BCL7B: variants seen among roughly 807,000 people sequenced by gnomAD.
The protein encoded by BCL7B is B-cell CLL/lymphoma 7 protein family member B.
A neutral mutation model predicts 26.5 loss-of-function variants in BCL7B; 11 were observed. That is an observed-to-expected ratio of 0.42 (90% CI 0.26 to 0.69). BCL7B has a LOEUF of 0.69. Ranked by LOEUF, BCL7B falls within the 30% of genes least tolerant of loss-of-function variation. The pLI, the probability that BCL7B is intolerant of heterozygous loss-of-function variation, is 0.28. For synonymous variants in BCL7B, 111 were observed against 107.9 expected (o/e 1.03, Z -0.18); for missense variants, 215 against 264.4 (o/e 0.81, Z 1.30).
Position 73,541,269 on chromosome 7 carries a change from G to A in BCL7B, c.266-1217C>T, listed in dbSNP as rs187363075. On this transcript the variant is annotated intron_variant, in intron 3 of 5. Coordinates refer to ENST00000223368, the MANE Select transcript of BCL7B (RefSeq NM_001707.4). ...CCCCTCCTGCTCTGGTATCATTTGTGCTCATTCCTTCCTCTCCTACTGCTT... is the reference window on the plus strand; with the variant it reads ...CCCCTCCTGCTCTGGTATCATTTGTACTCATTCCTTCCTCTCCTACTGCTT... 4.9e-3 allele frequency among the ~76,000 whole-genome samples: 745 copies of A among 152,056 alleles called. 6 individuals are homozygous for A. The highest frequency in any genetic ancestry group is 8.6e-3 in the Non-Finnish European group (582 of 68,000).
intron 2 of BCL7B, among the ~76,000 whole-genome samples, chr7:73,550,032 T>C (rs1792098815): frequency 6.6e-6 from 1 of 152,220 alleles, no homozygotes. Flanking sequence ...TAGCTTTATA[T>C]TTATTCATAC....
intron 3 of BCL7B, chr7:73,542,819 C>T: frequency 2.4e-6 from 1 of 425,390 alleles, no homozygotes; most frequent in Non-Finnish European, 4.7e-6. Context: ...TGCAGTGGCT[C>T]ATGCTTGTAC....
intron 2 of BCL7B, among the ~76,000 whole-genome samples, chr7:73,550,116 A>C (rs1792101610): frequency 6.6e-6 from 1 of 152,238 alleles, no homozygotes; most frequent in Non-Finnish European, 1.5e-5. Context: ...ATTAGAAAAA[A>C]TAAAGTTGGA....
intron 1 of BCL7B, chr7:73,557,086 G>T: frequency 1.0e-6 from 1 of 990,232 alleles, no homozygotes; most frequent in South Asian, 4.7e-5. Context: ...CTGGCGGGCT[G>T]ACACCACTCC....
At chr7:73,555,052 A>T (rs1792311915) in intron 1 of BCL7B, among the ~76,000 whole-genome samples, 1 of 152,120 alleles carries the variant, frequency 6.6e-6, no homozygotes, top group East Asian at 1.9e-4. Context: ...TCAATTCAAG[A>T]TTAGTCACTT....
intron 1 of BCL7B, chr7:73,557,168 C>G: frequency 9.8e-7 from 1 of 1,017,154 alleles, no homozygotes; most frequent in Non-Finnish European, 1.2e-6. Context: ...GAGGGGAGGG[C>G]GGGCCCCGGG....
At chr7:73,557,169 G>A (rs1363827500) in intron 1 of BCL7B, 2 of 1,018,198 alleles carry the variant, frequency 2.0e-6, no homozygotes, top group East Asian at 8.9e-5. Context: ...AGGGGAGGGC[G>A]GGCCCCGGGC....
intron 1 of BCL7B, among the ~76,000 whole-genome samples, chr7:73,555,102 G>T (rs932772760): frequency 6.6e-5 from 10 of 151,810 alleles, no homozygotes; most frequent in Admixed American, 5.9e-4. Context: ...CATTTTTGTA[G>T]GTTAATTAGT....
chr7:73,555,315 T>A (rs547107258), intron 1 of BCL7B, among the ~76,000 whole-genome samples: 3 of 150,358 alleles, frequency 2.0e-5, no homozygotes, highest in African/African-American at 7.4e-5. Flanking sequence ...TGAGGCAGAA[T>A]TGCTTGAACC....
chr7:73,540,781 G>T (rs1791732254), intron 3 of BCL7B, among the ~76,000 whole-genome samples: 1 of 130,310 alleles, frequency 7.7e-6, no homozygotes, highest in Non-Finnish European at 1.5e-5. Flanking sequence ...AGTGAGCCGA[G>T]ATCGCGCCAT....
At chr7:73,544,773 C>CAAG (rs1791895184) in intron 2 of BCL7B, among the ~76,000 whole-genome samples, 3 of 152,010 alleles carry the variant, frequency 2.0e-5, no homozygotes. Context: ...CAAGAAAGCC[C>CAAG]AAGGGCCAGG....
At position 73,540,829 on chromosome 7, in the gene BCL7B, CAAAAAAAAAA is replaced by C. The variant is rs56111929; in HGVS notation, c.266-787_266-778del. On this transcript the variant is annotated intron_variant, in intron 3 of 5. Coordinates refer to ENST00000223368, the MANE Select transcript of BCL7B (RefSeq NM_001707.4). ...TGAGCAACAGAGCGAGACTCTGTCT[CAAAAAAAAAA>C]AAAAAAAAAAAAAAAAGAGTTACCA... Among the ~76,000 whole-genome samples, 45 of 50,932 alleles carry C rather than the reference CAAAAAAAAAA, an allele frequency of 8.8e-4. No homozygotes were observed. The South Asian group carries it at 0.01, about 11-fold the overall frequency. 33.4% of individuals were successfully genotyped at this position (50,932 alleles called of 152,430 possible).
intron 2 of BCL7B, among the ~76,000 whole-genome samples, chr7:73,548,083 A>C (rs1264326886): frequency 2.0e-5 from 3 of 151,872 alleles, no homozygotes. Context: ...ACGTCACTGC[A>C]CTCCAGCCTC....
chr7:73,545,660 C>T (rs1272611910), intron 2 of BCL7B, among the ~76,000 whole-genome samples: 1 of 152,178 alleles, frequency 6.6e-6, no homozygotes, highest in African/African-American at 2.4e-5. Context: ...TCCAGAACCA[C>T]GCCCCATCAA....
intron 2 of BCL7B, among the ~76,000 whole-genome samples, chr7:73,551,696 A>G (rs935928668): frequency 6.6e-6 from 1 of 152,194 alleles, no homozygotes; most frequent in South Asian, 2.1e-4. Flanking sequence ...GGGTTAAGGG[A>G]AAGGAATAAA....
chr7:73,548,328 T>C (rs1792031918), intron 2 of BCL7B, among the ~76,000 whole-genome samples: 1 of 152,008 alleles, frequency 6.6e-6, no homozygotes. Flanking sequence ...CTCTGGAGGC[T>C]GAGGCAGGAG....
intron 5 of BCL7B, among the ~76,000 whole-genome samples, chr7:73,537,649 A>C (rs1301139782): frequency 1.3e-5 from 2 of 152,138 alleles, no homozygotes; most frequent in African/African-American, 4.8e-5. Context: ...GCACATTGGG[A>C]GGCTGAGATG....
intron 1 of BCL7B, among the ~76,000 whole-genome samples, chr7:73,554,655 G>A (rs530841021): frequency 7.2e-5 from 11 of 151,918 alleles, no homozygotes; most frequent in South Asian, 2.1e-4. Context: ...AAAATTAGCC[G>A]GGCATGGTGG....
intron 2 of BCL7B, 75 bp downstream of exon 2, chr7:73,552,092 C>CAA (rs781881434): frequency 5.8e-3 from 5,831 of 1,010,346 alleles, no homozygotes; most frequent in East Asian, 6.8e-3. Context: ...GACTCCGTCC[C>CAA]AAAAAAAAAA....
Sources: allele counts gnomAD v4.1 joint callset (sites outside exome capture counted in the v4.1 genomes callset), GRCh38; gene constraint gnomAD v4.1.1; transcripts MANE v1.5; gene names NCBI Gene and HGNC (gene_info 2026-07-23, HGNC 2026-07-21).